HNF1B: variants seen among roughly 807,000 people sequenced by gnomAD.
HNF1B encodes the protein HNF1 homeobox B.
Under a neutral mutation model 61.7 loss-of-function variants are expected in HNF1B, and 8 were observed. The ratio of observed to expected loss-of-function variants is 0.13; its 90% CI spans 0.08 to 0.23. The LOEUF is 0.23. HNF1B is among the 10% of genes least tolerant of loss of function. HNF1B has a pLI of 1.00. For synonymous variants in HNF1B, 314 were observed against 287.7 expected (o/e 1.09, Z -0.93); for missense variants, 562 against 714.5 (o/e 0.79, Z 2.43).
At chr17:37,725,741 G>T (rs1043878983) in intron 4 of HNF1B, among the ~76,000 whole-genome samples, 1 of 152,244 alleles carries the variant, frequency 6.6e-6, no homozygotes, top group Non-Finnish European at 1.5e-5. Context: ...TTGCTGCTGA[G>T]ATGAATATTT....
At chr17:37,710,723 A>G in intron 4 of HNF1B, 60 bp from the exon 5 acceptor site, 1 of 1,528,318 alleles carries the variant, frequency 6.5e-7, no homozygotes, top group Non-Finnish European at 9.0e-7. Flanking sequence ...TGGAACAATG[A>G]CTCGGCACCT....
In HNF1B at chr17:37,743,501, T is replaced by C. The variant is rs542280917; in HGVS notation, c.344+1040A>G. Among the ~76,000 whole-genome samples, 312 of 152,340 alleles carry C rather than the reference T, an allele frequency of 2.0e-3. 3 individuals carry two copies. Among genetic ancestry groups the C allele is most frequent in the Non-Finnish European group, 6.3e-4 (43 of 68,026 alleles). ...AACCGCCAGGCCCTCGGAGCACAAA[T>C]TCAAATGCAAGGTCATATCCCACCC... is the stretch of plus-strand genomic sequence containing the variant. On this transcript the variant is annotated intron_variant, in intron 1 of 8. Coordinates refer to ENST00000617811, the MANE Select transcript of HNF1B (RefSeq NM_000458.4).
At position 37,738,718 on chromosome 17, in the gene HNF1B, A is replaced by G. The variant is rs189500362; in HGVS notation, c.544+722T>C. Among the ~76,000 whole-genome samples the G allele has an allele frequency of 6.8e-4, 104 of 152,348 alleles. No individual in the cohort carries two copies. The Middle Eastern group carries it at 0.014, about 20-fold the overall frequency. ...CCTTTTAGAATTATTGGGTGGGAGAAATCTTGGGACAGAAAAAAAACTTTG... is the reference window on the plus strand; with the variant it reads ...CCTTTTAGAATTATTGGGTGGGAGAGATCTTGGGACAGAAAAAAAACTTTG... On this transcript the variant is annotated intron_variant, in intron 2 of 8. Coordinates refer to ENST00000617811, the MANE Select transcript of HNF1B (RefSeq NM_000458.4).
intron 3 of HNF1B, among the ~76,000 whole-genome samples, chr17:37,732,645 G>A (rs951017054): frequency 6.6e-6 from 1 of 151,306 alleles, no homozygotes; most frequent in Non-Finnish European, 1.5e-5. Flanking sequence ...GGGCAGGAAT[G>A]AAGTAAAAAG....
At chr17:37,721,761 C>G (rs1207757209) in intron 4 of HNF1B, among the ~76,000 whole-genome samples, 1 of 151,472 alleles carries the variant, frequency 6.6e-6, no homozygotes, top group Non-Finnish European at 1.5e-5. Context: ...CTCTGTCACC[C>G]GGGCTGTACT....
intron 4 of HNF1B, among the ~76,000 whole-genome samples, chr17:37,724,786 G>C (rs888393746): frequency 6.6e-6 from 1 of 152,062 alleles, no homozygotes; most frequent in Admixed American, 6.5e-5. Flanking sequence ...GAAAAAGTTT[G>C]TCAATCCCTG....
intron 4 of HNF1B, among the ~76,000 whole-genome samples, chr17:37,728,304 C>A (rs2033570793): frequency 6.7e-6 from 1 of 150,080 alleles, no homozygotes; most frequent in East Asian, 2.0e-4. Context: ...ACCTAGCCCA[C>A]AGAGCGTTTT....
At position 37,710,637 on chromosome 17, in the gene HNF1B, T is replaced by G. The variant is rs1207416691; in HGVS notation, c.1072A>C (p.Asn358His). 6.2e-7 allele frequency: 1 copy of G among 1,614,096 alleles called. No homozygotes were observed. The highest frequency in any genetic ancestry group is 1.3e-5 in the African/African-American group (1 of 75,032). ...ATTGTTGAGGAGGAAGTGATCTCAT[T>G]GTTTCCCTGCTGGCTGTAGCGCACT... ...SGVRYSQQGN[N>H]EITSSSTISH... is the part of the protein sequence containing the mutation. The change falls in exon 5 of 9, where the codon AAT (asparagine) becomes CAT (histidine). Residue 358 changes from asparagine to histidine, a missense_variant. By Grantham distance (68) the Asn-to-His change is moderately conservative. Coordinates refer to ENST00000617811, the MANE Select transcript of HNF1B (RefSeq NM_000458.4).
Position 37,744,420 on chromosome 17 carries a change from C to T in HNF1B, c.344+121G>A, listed in dbSNP as rs371649869. On this transcript the variant is annotated intron_variant, in intron 1 of 8. Coordinates refer to ENST00000617811, the MANE Select transcript of HNF1B (RefSeq NM_000458.4). ...TGTTGGGAGAGAAGCAGAGCGCCCCCCGGGGGACTTCTCTGGTGGGAAACG... is the reference window on the plus strand; with the variant it reads ...TGTTGGGAGAGAAGCAGAGCGCCCCTCGGGGGACTTCTCTGGTGGGAAACG... 7.6e-5 allele frequency: 77 copies of T among 1,015,630 alleles called. No homozygotes were observed. The East Asian group carries it at 1.3e-3, about 17-fold the overall frequency. The allele number at this position is 1,015,630 out of a possible 1,614,324, so 62.9% of individuals were successfully genotyped here.
intron 8 of HNF1B, among the ~76,000 whole-genome samples, chr17:37,694,413 C>A (rs1421544911): frequency 4.6e-5 from 4 of 86,214 alleles, no homozygotes; most frequent in Non-Finnish European, 9.1e-5. Context: ...GCAACAAGAG[C>A]AAAACTCCAT....
intron 4 of HNF1B, among the ~76,000 whole-genome samples, chr17:37,712,331 C>T (rs573906463): frequency 2.0e-5 from 3 of 152,130 alleles, no homozygotes; most frequent in Admixed American, 1.3e-4. Flanking sequence ...GGAGGAACAG[C>T]GTTCAGCTCC....
chr17:37,731,979 A>G (rs1365679044), intron 3 of HNF1B, 149 bp from the exon 4 acceptor site: 2 of 624,036 alleles, frequency 3.2e-6, no homozygotes, highest in African/African-American at 3.7e-5. Context: ...AGGCCTATGC[A>G]GAGAAAAGGC....
At chr17:37,697,655 T>C (rs1016995553) in intron 8 of HNF1B, among the ~76,000 whole-genome samples, 4 of 152,128 alleles carry the variant, frequency 2.6e-5, no homozygotes, top group African/African-American at 7.2e-5. Flanking sequence ...GCCCCCCTGA[T>C]TGAGATTTGT....
intron 4 of HNF1B, among the ~76,000 whole-genome samples, chr17:37,726,380 T>G (rs377315345): frequency 2.0e-5 from 3 of 152,204 alleles, no homozygotes; most frequent in African/African-American, 7.2e-5. Context: ...AGGGCTGTTG[T>G]GTGGGTCACA....
chr17:37,694,213 A>G, intron 8 of HNF1B, among the ~76,000 whole-genome samples: 1 of 152,120 alleles, frequency 6.6e-6, no homozygotes, highest in East Asian at 1.9e-4. Context: ...GGATCACCTG[A>G]GGTCAGGAGT....
At chr17:37,726,642 G>A (rs542654688) in intron 4 of HNF1B, among the ~76,000 whole-genome samples, 1 of 152,202 alleles carries the variant, frequency 6.6e-6, no homozygotes, top group Admixed American at 6.5e-5. Context: ...TGTGAAGGGG[G>A]ATGAGCGAGA....
At chr17:37,710,864 C>T (rs2032912610) in intron 4 of HNF1B, among the ~76,000 whole-genome samples, 1 of 152,196 alleles carries the variant, frequency 6.6e-6, no homozygotes. Context: ...AATGTAAGCG[C>T]CACGAGGGCA....
At chr17:37,738,080 C>T (rs1280595676) in intron 2 of HNF1B, among the ~76,000 whole-genome samples, 1 of 152,164 alleles carries the variant, frequency 6.6e-6, no homozygotes, top group Admixed American at 6.5e-5. Context: ...TGGGCAGGGC[C>T]CAAGCGTTGT....
intron 1 of HNF1B, among the ~76,000 whole-genome samples, chr17:37,742,924 C>G (rs2034041329): frequency 6.6e-6 from 1 of 151,934 alleles, no homozygotes; most frequent in African/African-American, 2.4e-5. Flanking sequence ...CTTCCCCCCT[C>G]TAAGCCGCGT....
Sources: gnomAD v4.1 joint callset for allele counts (sites outside exome capture counted in the v4.1 genomes callset) on GRCh38, gnomAD v4.1.1 for gene constraint, MANE v1.5 for transcripts, NCBI Gene and HGNC (gene_info 2026-07-23, HGNC 2026-07-21) for gene names.